Variants in SREK1 observed in about 807,000 individuals in gnomAD.
SREK1 encodes splicing regulatory glutamic acid and lysine rich protein 1, also known as splicing regulatory glutamine/lysine-rich protein 1.
SREK1 carries 13 observed loss-of-function variants against 66.5 expected under a neutral mutation model. That is an observed-to-expected ratio of 0.20 (90% CI 0.13 to 0.31). The LOEUF is 0.31. Among genes scored for constraint, SREK1 ranks in the 10% least tolerant of loss-of-function variants. The pLI is 1.00. For synonymous variants in SREK1, 265 were observed against 263.5 expected, an observed-to-expected ratio of 1.01 and a Z score of -0.05; for missense variants, 607 against 769.6, an observed-to-expected ratio of 0.79 and a Z score of 2.50.
At chr5:66,147,608 C>G (rs1022175268) in intron 1 of SREK1, among the ~76,000 whole-genome samples, 1 of 151,982 alleles carries the variant, frequency 6.6e-6, no homozygotes, top group Admixed American at 6.6e-5. Flanking sequence ...TCCGTCACTT[C>G]TCTGGTCTTC....
intron 7 of SREK1, chr5:66,165,177 A>C (rs1028427423): frequency 4.0e-6 from 1 of 247,984 alleles, no homozygotes; most frequent in Admixed American, 5.0e-5. Context: ...AGAGTAAACT[A>C]GTCTTTATAT....
chr5:66,152,010 G>T (rs1243446989), intron 1 of SREK1, among the ~76,000 whole-genome samples: 3 of 151,666 alleles, frequency 2.0e-5, no homozygotes, highest in Non-Finnish European at 4.4e-5. Flanking sequence ...CACGCCTGGA[G>T]AATTTTTTGT....
rs1745497992 is a variant in SREK1 at position 66,170,046 on chromosome 5, T to C, written c.1002-5T>C. 4 of 1,534,544 alleles carry C rather than the reference T, an allele frequency of 2.6e-6. No individual in the cohort carries two copies. The highest frequency in any genetic ancestry group is 2.6e-5 in the South Asian group (2 of 76,430). ...TTTGATATTCTAACAATTTTTTTTC[T>C]TTAGGAGTAGATCCCATAATAGATC... On this transcript the variant is annotated splice_polypyrimidine_tract_variant and splice_region_variant and intron_variant, in intron 7 of 11. Transcript: ENST00000334121.
rs1746677728 is a variant in SREK1 at position 66,183,605 on chromosome 5, C to A, written c.*4737C>A. The A allele has an allele frequency of 1.3e-5, 2 of 152,118 alleles. No individual in the cohort carries two copies. The allele number at this position is 152,118 out of a possible 1,614,324, so 9.4% of individuals were successfully genotyped here. On this transcript the variant is annotated 3_prime_UTR_variant, in exon 12 of 12. Coordinates refer to ENST00000334121, the MANE Select transcript of SREK1 (RefSeq NM_001077199.3). ...GCTATATTTTTAATAAAATGAAAAT[C>A]TTAAAATCTTGCCACTGTTGAGTAG... is the stretch of plus-strand genomic sequence containing the variant.
Position 66,181,736 on chromosome 5 carries a change from T to G in SREK1, c.*2868T>G, listed in dbSNP as rs1387031140. 3.3e-5 allele frequency: 5 copies of G among 152,204 alleles called. No homozygotes were observed. The highest frequency in any genetic ancestry group is 7.3e-5 in the Non-Finnish European group (5 of 68,036). The allele number at this position is 152,204 out of a possible 1,614,324, so 9.4% of individuals were successfully genotyped here. ...TTAGTTATTTTCTATCTAATTAGCT[T>G]ATAATTGCAAACACTAGTCAGCTTG... On this transcript the variant is annotated 3_prime_UTR_variant, in exon 12 of 12. Coordinates refer to ENST00000334121, the MANE Select transcript of SREK1 (RefSeq NM_001077199.3).
In SREK1 at chr5:66,144,387, G is replaced by C. The variant is rs1742962314; in HGVS notation, c.11G>C (p.Gly4Ala). ...GGCAGCGGGATCGGGATGAACAGCG[G>C]CGGCGGCTTCGGTTTGGGCTTAGGC... is the stretch of plus-strand genomic sequence containing the variant. MNS[G>A]GGFGLGLGFG... is the part of the protein sequence containing the mutation. Residue 4 changes from glycine to alanine, a missense_variant, in exon 1 of 12, where the codon GGC becomes GCC. Physicochemically the swap from Gly to Ala is moderately conservative, Grantham distance 60. Around this residue, in one of 5 missense-constraint regions of SREK1, gnomAD observed 75 missense variants for 72.9 expected, o/e 1.03. Coordinates refer to ENST00000334121, the MANE Select transcript of SREK1 (RefSeq NM_001077199.3). 6.5e-7 allele frequency: 1 copy of C among 1,548,528 alleles called. No homozygotes were observed. The highest frequency in any genetic ancestry group is 8.7e-7 in the Non-Finnish European group (1 of 1,145,104).
intron 1 of SREK1, among the ~76,000 whole-genome samples, chr5:66,148,415 T>G (rs1743456030): frequency 6.6e-6 from 1 of 152,192 alleles, no homozygotes; most frequent in Non-Finnish European, 1.5e-5. Context: ...AAATAACCAG[T>G]TAGGGCCAAG....
intron 2 of SREK1, 114 bp from the exon 3 acceptor site, chr5:66,159,105 A>T (rs1744518595): frequency 7.0e-7 from 1 of 1,435,832 alleles, no homozygotes; most frequent in Admixed American, 2.9e-5. Flanking sequence ...CAGATCTGAT[A>T]GATAGATTCA....
In SREK1 at chr5:66,156,563, C is replaced by T. The variant is rs138353432; in HGVS notation, c.296-2656C>T. 1.1e-4 allele frequency: 107 copies of T among 985,648 alleles called. No individual in the cohort carries two copies. In the African/African-American group the frequency reaches 1.6e-3, roughly 14 times the overall value. 61.1% of individuals were successfully genotyped at this position (985,648 alleles called of 1,614,324 possible). ...TCTCAGGAACACTTTCTGATCTCAG[C>T]GCAACATTTTTCTAGTTTTTTTCCC... On this transcript the variant is annotated intron_variant, in intron 2 of 11. Coordinates refer to ENST00000334121, the MANE Select transcript of SREK1 (RefSeq NM_001077199.3).
At chr5:66,151,145 A>G (rs1468147249) in intron 1 of SREK1, among the ~76,000 whole-genome samples, 7 of 151,998 alleles carry the variant, frequency 4.6e-5, no homozygotes, top group Admixed American at 4.6e-4. Context: ...CTGGCTGACA[A>G]AATATTTTTT....
chr5:66,164,733 G>A, intron 6 of SREK1, 50 bp from the exon 7 acceptor site: 1 of 1,613,176 alleles, frequency 6.2e-7, no homozygotes, highest in South Asian at 1.1e-5. Context: ...TATTAACTGG[G>A]ATCTTTAATT....
rs760206530 is a variant in SREK1, at chr5:66,159,352, G to A, written c.411+18G>A. Reference sequence around the variant, plus strand: ...TGACTACTGTAAGTACTATAAGCTGGCTTATGAAAGAGGTGAATGTTCAAC... The same window carrying A: ...TGACTACTGTAAGTACTATAAGCTGACTTATGAAAGAGGTGAATGTTCAAC... On this transcript the variant is annotated intron_variant, in intron 3 of 11. Transcript: ENST00000334121. 2 of 1,578,982 alleles carry A rather than the reference G, an allele frequency of 1.3e-6. No individual in the cohort carries two copies. Among genetic ancestry groups the A allele is most frequent in the South Asian group, 2.3e-5 (2 of 85,294 alleles).
intron 10 of SREK1, 110 bp from the exon 11 acceptor site, chr5:66,177,404 T>C: frequency 1.1e-6 from 1 of 947,030 alleles, no homozygotes; most frequent in Non-Finnish European, 1.5e-6. Context: ...TTGATGCTTA[T>C]TAACAATGCA....
chr5:66,169,788 C>G (rs1437268074), intron 7 of SREK1: 1 of 218,056 alleles, frequency 4.6e-6, no homozygotes, highest in Non-Finnish European at 9.1e-6. Flanking sequence ...ATCTTCTATA[C>G]TGATTTGAGG....
In SREK1 at chr5:66,144,330, G is replaced by A. The variant is rs1742952389; in HGVS notation, c.-47G>A. On this transcript the variant is annotated 5_prime_UTR_variant, in exon 1 of 12. Transcript: ENST00000334121. ...CCGCTTTCCCGGCTCCGTCGCTGAC[G>A]CGTCGTAGACGTTGGGGAGCGGGAA... 7.1e-7 allele frequency: 1 copy of A among 1,414,740 alleles called. No individual in the cohort carries two copies. Among genetic ancestry groups the A allele is most frequent in the Non-Finnish European group, 9.5e-7 (1 of 1,049,918 alleles). The allele number at this position is 1,414,740 out of a possible 1,614,324, so 87.6% of individuals were successfully genotyped here.
At chr5:66,161,344 G>A (rs560397864) in intron 3 of SREK1, among the ~76,000 whole-genome samples, 3 of 152,280 alleles carry the variant, frequency 2.0e-5, no homozygotes, top group Admixed American at 6.5e-5. Context: ...GTGGTCGTTC[G>A]TGGACATACA....
Position 66,167,557 on chromosome 5 carries a change from C to G in SREK1, c.1002-2494C>G, listed in dbSNP as rs968220402. On this transcript the variant is annotated intron_variant, in intron 7 of 11. Transcript: ENST00000334121. The stretch of plus-strand genomic sequence containing the variant: ...AATCTTTAGTTAGATTAGATCTGCT[C>G]TTGACTACTTCTAGCATTCTTAATC... 7.2e-5 allele frequency: 11 copies of G among 152,216 alleles called. No individual in the cohort carries two copies. The East Asian group carries it at 1.3e-3, about 19-fold the overall frequency. 9.4% of individuals were successfully genotyped at this position (152,216 alleles called of 1,614,324 possible).
intron 9 of SREK1, chr5:66,174,497 T>C (rs1745895515): frequency 6.6e-6 from 1 of 152,530 alleles, no homozygotes; most frequent in Non-Finnish European, 1.5e-5. Flanking sequence ...CAAGCCAGTT[T>C]ATGTTTCAGT....
At chr5:66,174,792 G>T (rs915806120) in intron 9 of SREK1, 154 bp from the exon 10 acceptor site, 12 of 553,172 alleles carry the variant, frequency 2.2e-5, no homozygotes, top group Non-Finnish European at 3.7e-5. Context: ...CTAAAGTTAG[G>T]TAATTGAACA....
Sources: gnomAD v4.1 joint callset for allele counts (sites outside exome capture counted in the v4.1 genomes callset) on GRCh38, gnomAD v4.1.1 for gene constraint, gnomAD v4.1.1 regional missense constraint, MANE v1.5 for transcripts, NCBI Gene and HGNC (gene_info 2026-07-23, HGNC 2026-07-21) for gene names.